The following TMEM178A variants were observed in gnomAD, a reference collection of about 807,000 sequenced individuals.
TMEM178A encodes the protein transmembrane protein 178A, also known as transmembrane protein 178.
A neutral mutation model predicts 29.1 loss-of-function variants in TMEM178A; 12 were observed. That is an observed-to-expected ratio of 0.41 (90% CI 0.26 to 0.67). The LOEUF (loss-of-function observed/expected upper bound fraction) is 0.67, where lower values mean the gene tolerates loss of function less well. Among genes scored for constraint, TMEM178A ranks in the 30% least tolerant of loss-of-function variants. TMEM178A has a pLI of 0.29. For missense variants in TMEM178A, 366 were observed against 419.1 expected, an observed-to-expected ratio of 0.87 and a Z score of 1.11; for synonymous variants, 210 against 187.2, an observed-to-expected ratio of 1.12 and a Z score of -0.99.
At chr2:39,704,033 T>C in intron 1 of TMEM178A, 48 bp from the exon 2 acceptor site, 1 of 1,542,108 alleles carries the variant, frequency 6.5e-7, no homozygotes, top group Non-Finnish European at 8.9e-7. Flanking sequence ...CTCAGAATTC[T>C]GTTACAAATA....
At chr2:39,723,719 C>T in the TMEM178A span, among the ~76,000 whole-genome samples, 3 of 152,144 alleles carry the variant, frequency 2.0e-5, no homozygotes, top group Non-Finnish European at 4.4e-5. Flanking sequence ...AGCCAAGGCT[C>T]ACAGAGGTTG....
intron 1 of TMEM178A, among the ~76,000 whole-genome samples, chr2:39,692,009 G>A (rs955164468): frequency 6.6e-6 from 1 of 152,106 alleles, no homozygotes; most frequent in Non-Finnish European, 1.5e-5. Context: ...GCTGTCATAT[G>A]TGACATGAAT....
chr2:39,670,492 G>A (rs748735779), intron 1 of TMEM178A, among the ~76,000 whole-genome samples: 2 of 152,218 alleles, frequency 1.3e-5, no homozygotes. Context: ...CAGGGTAGGA[G>A]AATACTTTGG....
At chr2:39,702,682 A>G (rs895825230) in intron 1 of TMEM178A, among the ~76,000 whole-genome samples, 5 of 152,232 alleles carry the variant, frequency 3.3e-5, no homozygotes, top group African/African-American at 1.2e-4. Flanking sequence ...ATTAAAAAAA[A>G]AAAAAGAACT....
In TMEM178A at chr2:39,707,106, G is replaced by T; in HGVS notation, c.572G>T (p.Gly191Val). 1 of 1,614,184 alleles carries T rather than the reference G, an allele frequency of 6.2e-7. No individual in the cohort carries two copies. Among genetic ancestry groups the T allele is most frequent in the Non-Finnish European group, 8.5e-7 (1 of 1,180,030 alleles). The change falls in exon 3 of 4, where the codon GGC becomes GTC. Residue 191 changes from glycine to valine, a missense_variant. By Grantham distance (109) the Gly-to-Val change is moderately radical (BLOSUM62 -3). Coordinates refer to ENST00000281961, the MANE Select transcript of TMEM178A (RefSeq NM_152390.3). ...LGMAVAVLLC[G>V]CIVATVSFFW... Reference sequence around the variant, plus strand: ...ATGGCCGTAGCCGTCCTTCTCTGCGGCTGCATTGTGGCCACAGTCAGTTTC... The same window carrying T: ...ATGGCCGTAGCCGTCCTTCTCTGCGTCTGCATTGTGGCCACAGTCAGTTTC...
intron 1 of TMEM178A, among the ~76,000 whole-genome samples, chr2:39,681,980 C>T (rs1404183087): frequency 6.6e-6 from 1 of 152,190 alleles, no homozygotes; most frequent in African/African-American, 2.4e-5. Context: ...GGCCTTGGCT[C>T]TTCCTGCTCC....
chr2:39,666,685 C>T lies in TMEM178A; in HGVS notation c.400+311C>T, dbSNP rs548101695. On this transcript the variant is annotated intron_variant, in intron 1 of 3. Coordinates refer to ENST00000281961, the MANE Select transcript of TMEM178A (RefSeq NM_152390.3). ...CCCATTCCCCGGTTCTCTCTCTCTC[C>T]CCGTCCTTCTCTGCCTTTGTACACC... Among the ~76,000 whole-genome samples, 5 of 152,316 alleles carry T rather than the reference C, an allele frequency of 3.3e-5. No homozygotes were observed. In the East Asian group the frequency reaches 9.7e-4, roughly 29 times the overall value.
chr2:39,675,498 C>G (rs958527027), intron 1 of TMEM178A, among the ~76,000 whole-genome samples: 1 of 151,908 alleles, frequency 6.6e-6, no homozygotes, highest in African/African-American at 2.4e-5. Context: ...CAGAGTAGTT[C>G]CCCGTTGACT....
intron 3 of TMEM178A, among the ~76,000 whole-genome samples, chr2:39,714,623 C>T (rs2148118531): frequency 6.6e-6 from 1 of 152,280 alleles, no homozygotes; most frequent in Non-Finnish European, 1.5e-5. Flanking sequence ...ATCAATTCCC[C>T]AGGAAAAGCA....
Position 39,665,926 on chromosome 2 carries a change from C to T in TMEM178A, c.-49C>T. ...AGAGCTGGGGCCAAGTGCATTGTGT[C>T]TGGCGGCGGCGCGCGAGCCCACCGG... On this transcript the variant is annotated 5_prime_UTR_variant, in exon 1 of 4. Coordinates refer to ENST00000281961, the MANE Select transcript of TMEM178A (RefSeq NM_152390.3). 16 of 1,341,562 alleles carry T rather than the reference C, an allele frequency of 1.2e-5. No individual in the cohort carries two copies. Among genetic ancestry groups the T allele is most frequent in the Non-Finnish European group, 1.5e-5 (16 of 1,050,768 alleles). The allele number at this position is 1,341,562 out of a possible 1,614,324, so 83.1% of individuals were successfully genotyped here.
chr2:39,719,133 C>T (rs1357841571), downstream of TMEM178A, among the ~76,000 whole-genome samples: 2 of 152,194 alleles, frequency 1.3e-5, no homozygotes, highest in African/African-American at 2.4e-5. Context: ...GGCACTCTCT[C>T]AGGCCTTTTA....
chr2:39,729,072 G>A, the TMEM178A span, among the ~76,000 whole-genome samples: 5 of 151,902 alleles, frequency 3.3e-5, no homozygotes, highest in African/African-American at 1.2e-4. Flanking sequence ...TAGGTTGTTC[G>A]GCAGAAAAGG....
intron 1 of TMEM178A, among the ~76,000 whole-genome samples, chr2:39,693,547 G>C (rs1671410467): frequency 6.6e-6 from 1 of 152,142 alleles, no homozygotes. Context: ...GGCATAATCA[G>C]GTCCCTTTTC....
the TMEM178A span, among the ~76,000 whole-genome samples, chr2:39,725,980 G>T: frequency 6.6e-6 from 1 of 152,190 alleles, no homozygotes; most frequent in Non-Finnish European, 1.5e-5. Context: ...AGAGCACCTA[G>T]TATGTGCCAG....
At chr2:39,707,001 A>G (rs1672062148) in intron 2 of TMEM178A, 48 bp from the exon 3 acceptor site, 1 of 1,559,146 alleles carries the variant, frequency 6.4e-7, no homozygotes, top group Non-Finnish European at 8.7e-7. Context: ...ATTCTTAATG[A>G]CTTTCCTGAA....
chr2:39,671,295 C>G (rs538356467), intron 1 of TMEM178A, among the ~76,000 whole-genome samples: 1 of 152,192 alleles, frequency 6.6e-6, no homozygotes, highest in Non-Finnish European at 1.5e-5. Context: ...CTGCACAGGA[C>G]CCACCAAGTT....
At chr2:39,698,017 A>G (rs1470270755) in intron 1 of TMEM178A, 2 of 152,260 alleles carry the variant, frequency 1.3e-5, no homozygotes, top group East Asian at 1.9e-4. Context: ...TGAGTCAGCC[A>G]TGTCGCCAAT....
upstream of TMEM178A, chr2:39,665,656 A>C: frequency 1.7e-5 from 4 of 231,436 alleles, no homozygotes; most frequent in Non-Finnish European, 3.2e-5. Flanking sequence ...GAGAGGGGCG[A>C]GAGGAGTGCG....
At chr2:39,686,569 A>G (rs1671084230) in intron 1 of TMEM178A, among the ~76,000 whole-genome samples, 1 of 151,272 alleles carries the variant, frequency 6.6e-6, no homozygotes, top group Admixed American at 6.6e-5. Flanking sequence ...CCTTGGGTTG[A>G]GGGGAGTGAT....
Sources: gnomAD v4.1 joint callset for allele counts (sites outside exome capture counted in the v4.1 genomes callset) on GRCh38, gnomAD v4.1.1 for gene constraint, MANE v1.5 for transcripts, NCBI Gene and HGNC (gene_info 2026-07-23, HGNC 2026-07-21) for gene names.